The following MYO5B variants were observed in gnomAD, a reference collection of about 807,000 sequenced individuals.
MYO5B encodes the protein unconventional myosin-Vb.
Under a neutral mutation model 229.3 loss-of-function variants are expected in MYO5B, and 143 were observed. That is an observed-to-expected ratio of 0.62 (90% CI 0.54 to 0.72). MYO5B has a LOEUF of 0.72. MYO5B is among the 30% of genes least tolerant of loss of function. The pLI is 0.00. For missense variants in MYO5B, 2,321 were observed against 2,331.0 expected, an observed-to-expected ratio of 1.00 and a Z score of 0.09; for synonymous variants, 918 against 885.2, an observed-to-expected ratio of 1.04 and a Z score of -0.66.
intron 2 of MYO5B, among the ~76,000 whole-genome samples, chr18:50,050,485 T>C (rs2030362294): frequency 6.6e-6 from 1 of 152,236 alleles, no homozygotes; most frequent in South Asian, 2.1e-4. Context: ...AGTACCATCC[T>C]TAGACCTGAG....
intron 1 of MYO5B, among the ~76,000 whole-genome samples, chr18:50,148,600 T>C (rs972032693): frequency 8.5e-5 from 13 of 152,328 alleles, no homozygotes; most frequent in African/African-American, 3.1e-4. Flanking sequence ...ATTATCTCAA[T>C]AGATGCAGAA....
At chr18:50,105,834 T>A (rs1050324064) in intron 1 of MYO5B, among the ~76,000 whole-genome samples, 1 of 152,092 alleles carries the variant, frequency 6.6e-6, no homozygotes, top group Non-Finnish European at 1.5e-5. Context: ...GTCACTCCTA[T>A]GAGCACCACT....
intron 21 of MYO5B, among the ~76,000 whole-genome samples, chr18:49,899,458 T>C (rs554290336): frequency 4.4e-4 from 67 of 152,334 alleles, no homozygotes; most frequent in African/African-American, 1.5e-3. Flanking sequence ...TGTATGAGCA[T>C]GAACCCAAAC....
chr18:49,878,922 C>T (rs370866478), intron 24 of MYO5B, 23 bp downstream of exon 24: 8 of 1,613,900 alleles, frequency 5.0e-6, no homozygotes, highest in Non-Finnish European at 6.8e-6. Context: ...TGTGCCATGG[C>T]ACAGCAGAAG....
intron 14 of MYO5B, among the ~76,000 whole-genome samples, chr18:49,938,730 C>T (rs1006613312): frequency 1.3e-5 from 2 of 152,208 alleles, no homozygotes; most frequent in Non-Finnish European, 2.9e-5. Context: ...GGTCACGTTG[C>T]TGTCTCATAG....
chr18:49,862,568 TCAGA>T, intron 29 of MYO5B, among the ~76,000 whole-genome samples: 1 of 152,346 alleles, frequency 6.6e-6, no homozygotes, highest in South Asian at 2.1e-4. Context: ...GTGCACCTTC[TCAGA>T]CACTCTGCCT....
chr18:50,125,093 C>T (rs1281970898), intron 1 of MYO5B, among the ~76,000 whole-genome samples: 1 of 152,082 alleles, frequency 6.6e-6, no homozygotes, highest in Admixed American at 6.5e-5. Flanking sequence ...GGCACAAGCC[C>T]CAGGGTCTCC....
At chr18:50,044,681 A>G (rs996931848) in intron 2 of MYO5B, among the ~76,000 whole-genome samples, 5 of 152,164 alleles carry the variant, frequency 3.3e-5, no homozygotes, top group Admixed American at 3.3e-4. Context: ...CAGTGAAATT[A>G]ATAAAATTAA....
At position 50,046,018 on chromosome 18, in the gene MYO5B, C is replaced by A. The variant is rs1000728487; in HGVS notation, c.139-5704G>T. 8.5e-5 allele frequency among the ~76,000 whole-genome samples: 13 copies of A among 152,220 alleles called. No homozygotes were observed. The East Asian group carries it at 2.5e-3, about 29-fold the overall frequency. On this transcript the variant is annotated intron_variant, in intron 2 of 39. Transcript: ENST00000285039. ...GAATGACACTCCCAAAGATTTGGAA[C>A]TAATAATAATCATACAGTGGACAGA...
intron 29 of MYO5B, among the ~76,000 whole-genome samples, chr18:49,861,241 T>C (rs2024325295): frequency 6.6e-6 from 1 of 152,222 alleles, no homozygotes; most frequent in Non-Finnish European, 1.5e-5. Context: ...TTTTATTTTA[T>C]CACCATCATT....
intron 8 of MYO5B, among the ~76,000 whole-genome samples, chr18:49,981,130 G>A (rs527721268): frequency 1.3e-5 from 2 of 152,352 alleles, no homozygotes; most frequent in Non-Finnish European, 1.5e-5. Flanking sequence ...ACTGATCCCA[G>A]AACCACTGTG....
chr18:49,850,475 G>GT (rs2024186642), intron 31 of MYO5B: 1 of 152,262 alleles, frequency 6.6e-6, no homozygotes, highest in African/African-American at 2.4e-5. Context: ...AGTTATAGAT[G>GT]TTGTTAGGAA....
At position 50,183,633 on chromosome 18, in the gene MYO5B, A is replaced by G. The variant is rs114026333; in HGVS notation, c.27+11134T>C. Among the ~76,000 whole-genome samples the G allele has an allele frequency of 3.8e-3, 585 of 152,068 alleles. 5 individuals carry two copies. Among genetic ancestry groups the G allele is most frequent in the African/African-American group, 0.013 (545 of 41,444 alleles). On this transcript the variant is annotated intron_variant, in intron 1 of 39. Transcript: ENST00000285039. ...AGAATGAAAGGATGGTTAGTTTTAG[A>G]TCAGAAATACCCAATTTTAAGCTCC...
intron 10 of MYO5B, among the ~76,000 whole-genome samples, chr18:49,964,265 G>C (rs1418979493): frequency 2.0e-5 from 3 of 152,054 alleles, no homozygotes; most frequent in Non-Finnish European, 4.4e-5. Context: ...TTCTAATACT[G>C]GTTAACAATA....
In MYO5B at chr18:50,040,302, G is replaced by A. The variant is rs1304419707; in HGVS notation, c.151C>T (p.Pro51Ser). Residue 51 changes from proline to serine, a missense_variant, in exon 3 of 40, where the codon CCA becomes TCA. Coordinates refer to ENST00000285039, the MANE Select transcript of MYO5B (RefSeq NM_001080467.3). ...RLEDETILEY[P>S]IDVQRNQLPF... Reference sequence around the variant, plus strand: ...AGCTGGTTGCGTTGTACATCAATTGGGTATTCCAGAATCTAAAGACATGCA... The same window carrying A: ...AGCTGGTTGCGTTGTACATCAATTGAGTATTCCAGAATCTAAAGACATGCA... 4.3e-6 allele frequency: 7 copies of A among 1,613,750 alleles called. No individual in the cohort carries two copies. The Admixed American group carries it at 1.2e-4, about 27-fold the overall frequency.
chr18:50,046,380 T>C (rs562003798), intron 2 of MYO5B, among the ~76,000 whole-genome samples: 4 of 152,356 alleles, frequency 2.6e-5, no homozygotes, highest in South Asian at 4.1e-4. Context: ...TGAGAAAAAC[T>C]GAACCCAAGT....
chr18:49,826,661 C>G, intron 39 of MYO5B, 38 bp from the exon 40 acceptor site: 4 of 1,610,668 alleles, frequency 2.5e-6, no homozygotes, highest in Non-Finnish European at 3.4e-6. Context: ...GTTTGAGTAC[C>G]CCTAAAAATA....
intron 1 of MYO5B, among the ~76,000 whole-genome samples, chr18:50,066,644 A>T (rs1169138925): frequency 6.6e-6 from 1 of 152,226 alleles, no homozygotes; most frequent in Non-Finnish European, 1.5e-5. Flanking sequence ...ATGTTCCCGA[A>T]TCAACACACA....
Position 49,904,786 on chromosome 18 carries a change from G to C in MYO5B, c.2457C>G (p.Leu819=). The C allele has an allele frequency of 6.2e-7, 1 of 1,613,966 alleles. No homozygotes were observed. The highest frequency in any genetic ancestry group is 2.2e-5 in the East Asian group (1 of 44,868). ...CCCTCTGCATGCGGTAATGTTTCTG[G>C]AGCACCACAGCCGCTCTGATCCTCC... ...HLRRIRAAVV[L]QKHYRMQRAR... The change falls in exon 20 of 40, where the codon CTC becomes CTG. Residue 819 remains leucine, a synonymous_variant. Transcript: ENST00000285039.
Sources: allele counts gnomAD v4.1 joint callset (sites outside exome capture counted in the v4.1 genomes callset), GRCh38; gene constraint gnomAD v4.1.1; transcripts MANE v1.5; gene names NCBI Gene and HGNC (gene_info 2026-07-23, HGNC 2026-07-21).